Variants in COG7 observed in about 807,000 individuals in gnomAD.
COG7 encodes the protein component of oligomeric golgi complex 7.
COG7 carries 49 observed loss-of-function variants against 91.5 expected under a neutral mutation model. That is an observed-to-expected ratio of 0.54 (90% CI 0.43 to 0.68). The LOEUF (loss-of-function observed/expected upper bound fraction) is 0.68, where lower values mean the gene tolerates loss of function less well. COG7 is among the 30% of genes least tolerant of loss of function. The pLI is 0.00. For missense variants in COG7, 895 were observed against 961.3 expected, an observed-to-expected ratio of 0.93 and a Z score of 0.91; for synonymous variants, 365 against 388.7, an observed-to-expected ratio of 0.94 and a Z score of 0.72.
chr16:23,390,543 T>C (rs1183687991), intron 16 of COG7, among the ~76,000 whole-genome samples: 3 of 151,870 alleles, frequency 2.0e-5, no homozygotes, highest in Non-Finnish European at 4.4e-5. Context: ...GTTCATCTCT[T>C]CTCCTTGACT....
intron 7 of COG7, among the ~76,000 whole-genome samples, chr16:23,420,860 C>G (rs151162570): frequency 3.3e-5 from 5 of 152,032 alleles, no homozygotes; most frequent in African/African-American, 1.2e-4. Flanking sequence ...CTCCCCACCC[C>G]AGCCTCCTGA....
chr16:23,422,501 GTATT>G (rs1963774730), intron 7 of COG7, among the ~76,000 whole-genome samples: 2 of 148,176 alleles, frequency 1.3e-5, no homozygotes, highest in Admixed American at 1.4e-4. Context: ...ATATATAAAA[GTATT>G]TAATATATTT....
chr16:23,447,657 T>A (rs1005318784), intron 1 of COG7, among the ~76,000 whole-genome samples: 11 of 151,994 alleles, frequency 7.2e-5, no homozygotes, highest in Admixed American at 6.6e-4. Context: ...ATCCCAGCAC[T>A]TTGGGAGGCT....
Position 23,388,681 on chromosome 16 carries a change from T to A in COG7, c.*239A>T. On this transcript the variant is annotated 3_prime_UTR_variant, in exon 17 of 17. Transcript: ENST00000307149. The stretch of plus-strand genomic sequence containing the variant: ...GCTCTGCTGTTAATTTTTGTATTTT[T>A]AGTAGAGATGGGGTTTCACCATGTT... The A allele has an allele frequency of 4.9e-6, 2 of 408,944 alleles. No homozygotes were observed. The highest frequency in any genetic ancestry group is 4.2e-6 in the Non-Finnish European group (1 of 235,470). The allele number at this position is 408,944 out of a possible 1,614,324, so 25.3% of individuals were successfully genotyped here. A position where few individuals can be genotyped will look rare whatever the true frequency, so the allele number is the denominator to read the frequency against.
chr16:23,418,612 A>C, intron 8 of COG7, 88 bp downstream of exon 8: 2 of 1,277,278 alleles, frequency 1.6e-6, no homozygotes, highest in Non-Finnish European at 2.3e-6. Context: ...AGCACCCCGG[A>C]TCCCAACCCC....
At chr16:23,398,334 G>A (rs1004040182) in intron 13 of COG7, among the ~76,000 whole-genome samples, 7 of 152,198 alleles carry the variant, frequency 4.6e-5, no homozygotes, top group Non-Finnish European at 7.4e-5. Context: ...AGAAGGCAAC[G>A]ATTTCTCTCT....
chr16:23,407,974 T>A (rs1174045473), intron 11 of COG7, among the ~76,000 whole-genome samples: 1 of 150,282 alleles, frequency 6.7e-6, no homozygotes, highest in East Asian at 2.0e-4. Context: ...ATGCTCCCAT[T>A]AATTTCTAAG....
chr16:23,438,316 T>G (rs995942906), intron 4 of COG7, among the ~76,000 whole-genome samples: 1 of 152,142 alleles, frequency 6.6e-6, no homozygotes, highest in Non-Finnish European at 1.5e-5. Context: ...CTCAGGACTT[T>G]GAGAGGCTGA....
At chr16:23,423,034 GTC>G in intron 7 of COG7, among the ~76,000 whole-genome samples, 1 of 125,844 alleles carries the variant, frequency 7.9e-6, no homozygotes, top group East Asian at 2.5e-4. Context: ...AACAAAGCAA[GTC>G]TCTGTCTCAA....
chr16:23,413,393 G>A (rs1963598201), intron 10 of COG7, 55 bp downstream of exon 10: 2 of 909,638 alleles, frequency 2.2e-6, no homozygotes, highest in East Asian at 4.8e-5. Context: ...ACTATATCAT[G>A]CATGTTTATG....
chr16:23,394,695 T>C (rs1169762638), intron 14 of COG7, among the ~76,000 whole-genome samples: 2 of 152,196 alleles, frequency 1.3e-5, no homozygotes, highest in African/African-American at 4.8e-5. Context: ...CTCGAAAATC[T>C]ACCCAGACCA....
intron 7 of COG7, among the ~76,000 whole-genome samples, chr16:23,421,288 T>C (rs974437286): frequency 6.6e-6 from 1 of 151,780 alleles, no homozygotes; most frequent in African/African-American, 2.4e-5. Flanking sequence ...TGATAAGCAA[T>C]GGTAAAAATT....
In COG7 at chr16:23,398,047, T is replaced by C. The variant is rs1963312924; in HGVS notation, c.1886A>G (p.Asn629Ser). 1 of 1,613,576 alleles carries C rather than the reference T, an allele frequency of 6.2e-7. No individual in the cohort carries two copies. The highest frequency in any genetic ancestry group is 8.5e-7 in the Non-Finnish European group (1 of 1,179,608). The stretch of plus-strand genomic sequence containing the variant: ...GGAGAAGCACACAGAAGCTCTTACG[T>C]TGCTGATGTACTCGAGAGGGGTGAG... The part of the protein sequence containing the change: ...FSLTPLEYIS[N>S]IGQYIMSLPL... Residue 629 changes from asparagine (N) to serine (S), a missense_variant and splice_region_variant, in exon 14 of 17, where the codon AAC becomes AGC. Transcript: ENST00000307149.
chr16:23,406,902 C>T (rs1963472124), intron 11 of COG7, among the ~76,000 whole-genome samples: 1 of 152,180 alleles, frequency 6.6e-6, no homozygotes, highest in Non-Finnish European at 1.5e-5. Flanking sequence ...TGATAATCCA[C>T]CCCTTGTACT....
At chr16:23,402,115 T>C (rs1963387701) in intron 13 of COG7, among the ~76,000 whole-genome samples, 1 of 152,192 alleles carries the variant, frequency 6.6e-6, no homozygotes, top group Non-Finnish European at 1.5e-5. Flanking sequence ...TAGATTCATT[T>C]AGTGTCTCTT....
intron 1 of COG7, 26 bp downstream of exon 1, chr16:23,452,800 C>T (rs754193110): frequency 6.9e-6 from 11 of 1,599,672 alleles, no homozygotes; most frequent in East Asian, 4.6e-5. Flanking sequence ...GGGAGGGTCC[C>T]GCGGCCAGGG....
intron 1 of COG7, chr16:23,446,306 C>T: frequency 2.6e-6 from 1 of 384,196 alleles, no homozygotes; most frequent in Non-Finnish European, 4.8e-6. Flanking sequence ...CATCATATTA[C>T]TTAATGTCCA....
At chr16:23,448,806 A>G (rs1964220598) in intron 1 of COG7, among the ~76,000 whole-genome samples, 1 of 152,180 alleles carries the variant, frequency 6.6e-6, no homozygotes, top group Non-Finnish European at 1.5e-5. Flanking sequence ...CATGATGCCG[A>G]GCAAGTTACT....
intron 1 of COG7, among the ~76,000 whole-genome samples, chr16:23,448,021 G>A (rs762357861): frequency 1.6e-4 from 24 of 152,170 alleles, no homozygotes; most frequent in Non-Finnish European, 3.2e-4. Context: ...CTAGAAAAGA[G>A]TTTGTGCCCA....
Sources: gnomAD v4.1 joint callset for allele counts (sites outside exome capture counted in the v4.1 genomes callset) on GRCh38, gnomAD v4.1.1 for gene constraint, MANE v1.5 for transcripts, NCBI Gene and HGNC (gene_info 2026-07-23, HGNC 2026-07-21) for gene names.